The following USP54 variants were observed in gnomAD, a reference collection of about 807,000 sequenced individuals.
USP54 encodes ubiquitin specific peptidase 54.
Under a neutral mutation model 170.5 loss-of-function variants are expected in USP54, and 87 were observed. The ratio of observed to expected loss-of-function variants is 0.51; its 90% CI spans 0.43 to 0.61. The LOEUF (loss-of-function observed/expected upper bound fraction) is 0.61. Among genes scored for constraint, USP54 ranks in the 20% least tolerant of loss-of-function variants. USP54 has a pLI of 0.00. For missense variants in USP54, 1,786 were observed against 2,047.8 expected, an observed-to-expected ratio of 0.87 and a Z score of 2.47; for synonymous variants, 655 against 742.8, an observed-to-expected ratio of 0.88 and a Z score of 1.92.
chr10:73,533,123 G>A (rs563996252), intron 12 of USP54, among the ~76,000 whole-genome samples: 58 of 152,180 alleles, frequency 3.8e-4, no homozygotes, highest in Middle Eastern at 6.8e-3. Flanking sequence ...TGGCTAACAC[G>A]GTGAAACCCC....
At chr10:73,523,354 T>C (rs2062229189) in intron 17 of USP54, among the ~76,000 whole-genome samples, 1 of 152,244 alleles carries the variant, frequency 6.6e-6, no homozygotes, top group South Asian at 2.1e-4. Context: ...ATGAACGATA[T>C]ACTATCTCTA....
At chr10:73,595,069 G>C (rs959077118), upstream of USP54, among the ~76,000 whole-genome samples, 1 of 151,984 alleles carries the variant, frequency 6.6e-6, no homozygotes, top group Non-Finnish European at 1.5e-5. Flanking sequence ...GGGATTACAG[G>C]TGCACACCAC....
At chr10:73,594,166 G>A (rs954822611), upstream of USP54, among the ~76,000 whole-genome samples, 1 of 151,940 alleles carries the variant, frequency 6.6e-6, no homozygotes, top group Non-Finnish European at 1.5e-5. Context: ...CACTTCCCAG[G>A]TTCAAGTGAT....
At chr10:73,526,379 C>T (rs1357069762) in intron 16 of USP54, among the ~76,000 whole-genome samples, 1 of 152,164 alleles carries the variant, frequency 6.6e-6, no homozygotes, top group Admixed American at 6.5e-5. Context: ...TCCCGAGCAG[C>T]TGGGACTACA....
intron 1 of USP54, among the ~76,000 whole-genome samples, chr10:73,605,389 T>C (rs1282131448): frequency 6.6e-6 from 1 of 151,972 alleles, no homozygotes; most frequent in Non-Finnish European, 1.5e-5. Context: ...TAGTTGGATG[T>C]GGTGGTGTGT....
intron 20 of USP54, among the ~76,000 whole-genome samples, chr10:73,507,664 C>T (rs936154388): frequency 3.3e-5 from 4 of 120,532 alleles, no homozygotes; most frequent in South Asian, 2.6e-4. Flanking sequence ...ACAGAGACTC[C>T]GTCGCAAAAA....
intron 1 of USP54, among the ~76,000 whole-genome samples, chr10:73,606,651 G>A (rs1307451519): frequency 1.3e-5 from 2 of 152,110 alleles, no homozygotes; most frequent in African/African-American, 4.8e-5. Flanking sequence ...GGCCGAGGTG[G>A]GCAGATCACA....
chr10:73,525,132 T>A (rs542171966), intron 16 of USP54, among the ~76,000 whole-genome samples: 2 of 152,170 alleles, frequency 1.3e-5, no homozygotes, highest in Non-Finnish European at 2.9e-5. Context: ...TGCTTACCTA[T>A]ATATATATGT....
intron 10 of USP54, 73 bp from the exon 11 acceptor site, chr10:73,536,510 C>T (rs1474999999): frequency 2.2e-6 from 3 of 1,390,260 alleles, no homozygotes; most frequent in Non-Finnish European, 2.8e-6. Flanking sequence ...TCTTTCTGTT[C>T]TGTATTTCTA....
rs550408530 is a variant in USP54, at chr10:73,524,785, A to G, written c.2195-1035T>C. ...ATTTTAGGAATGAGGAAACTGAGTC[A>G]CAGGAGGATAAATAATTTGCCCAAG... On this transcript the variant is annotated intron_variant, in intron 16 of 23. Coordinates refer to ENST00000687698, the MANE Select transcript of USP54 (RefSeq NM_001391956.1). 5.3e-5 allele frequency among the ~76,000 whole-genome samples: 8 copies of G among 152,356 alleles called. No individual in the cohort carries two copies. In the East Asian group the frequency reaches 1.5e-3, roughly 29 times the overall value.
intron 12 of USP54, among the ~76,000 whole-genome samples, chr10:73,533,568 C>T (rs920422249): frequency 6.6e-6 from 1 of 150,390 alleles, no homozygotes; most frequent in Middle Eastern, 3.2e-3. Flanking sequence ...AAAAAAAAGC[C>T]CCCACAGCTT....
chr10:73,517,589 C>T lies in USP54; in HGVS notation c.2837G>A (p.Ser946Asn), dbSNP rs776780203. 7 of 1,614,052 alleles carry T rather than the reference C, an allele frequency of 4.3e-6. No homozygotes were observed. In the Admixed American group the frequency reaches 5.0e-5, roughly 12 times the overall value. The change falls in exon 20 of 24, where the codon AGC becomes AAC. Residue 946 changes from serine to asparagine, a missense_variant. Physicochemically the swap from Ser to Asn is conservative, Grantham distance 46. This residue lies in a region of USP54 where 1,418 missense variants were observed against 1,569.0 expected (regional missense o/e 0.90). Transcript: ENST00000687698. ...LSPESSAPQH[S>N]SPSRSALKLL... is the part of the protein sequence containing the mutation. ...CTTCAAGGCAGATCTACTGGGGGAG[C>T]TGTGCTGTGGGGCAGATGACTCTGG...
intron 1 of USP54, among the ~76,000 whole-genome samples, chr10:73,587,958 C>T (rs532201593): frequency 4.1e-4 from 63 of 152,118 alleles, no homozygotes; most frequent in Non-Finnish European, 6.6e-4. Context: ...AAATAATGTA[C>T]GCAGAATACT....
intron 4 of USP54, among the ~76,000 whole-genome samples, chr10:73,552,786 G>A (rs1817047586): frequency 6.6e-6 from 1 of 152,128 alleles, no homozygotes; most frequent in African/African-American, 2.4e-5. Flanking sequence ...GTGAGACTCT[G>A]TCTCAGGAAA....
intron 4 of USP54, among the ~76,000 whole-genome samples, chr10:73,556,502 C>T (rs1450970611): frequency 5.3e-5 from 8 of 151,910 alleles, no homozygotes; most frequent in Non-Finnish European, 1.0e-4. Context: ...CCTGCCACCA[C>T]GCCCGGCTAA....
rs546288321 is a variant in USP54, at chr10:73,528,562, G to A, written c.2060+1118C>T. 4.8e-4 allele frequency among the ~76,000 whole-genome samples: 73 copies of A among 150,902 alleles called. 1 individual carries two copies. The South Asian group carries it at 0.014, about 29-fold the overall frequency. On this transcript the variant is annotated intron_variant, in intron 15 of 23. Transcript: ENST00000687698. The stretch of plus-strand genomic sequence containing the variant: ...TGAGCTACTGCGGCAGGCCTAGTCC[G>A]TTTTTGTTTCTTTTTTTTTTTTTTG...
At chr10:73,551,031 G>A (rs901338669) in intron 4 of USP54, among the ~76,000 whole-genome samples, 1 of 152,180 alleles carries the variant, frequency 6.6e-6, no homozygotes, top group Non-Finnish European at 1.5e-5. Flanking sequence ...CGTGAACCCA[G>A]AAGGCAGAGC....
Position 73,517,339 on chromosome 10 carries a change from C to A in USP54, c.3087G>T (p.Lys1029Asn). Residue 1029 changes from lysine to asparagine, a missense_variant, in exon 20 of 24, where the codon AAG becomes AAT. This residue lies in a region of USP54 where 1,418 missense variants were observed against 1,569.0 expected (regional missense o/e 0.90). Transcript: ENST00000687698. Reference sequence around the variant, plus strand: ...CCGGGGAGGGGTTAGCAGGATCCTTCTTTTCTTGGAACAGCTGTTCTTGAG... The same window carrying A: ...CCGGGGAGGGGTTAGCAGGATCCTTATTTTCTTGGAACAGCTGTTCTTGAG... ...GIAQEQLFQE[K>N]KDPANPSPVM... 6.2e-7 allele frequency: 1 copy of A among 1,612,078 alleles called. No homozygotes were observed. Among genetic ancestry groups the A allele is most frequent in the East Asian group, 2.2e-5 (1 of 44,850 alleles).
chr10:73,502,890 A>G (rs1456480109), intron 22 of USP54, among the ~76,000 whole-genome samples: 1 of 152,126 alleles, frequency 6.6e-6, no homozygotes, highest in African/African-American at 2.4e-5. Context: ...AGCTTAATAT[A>G]TGTAAAACTG....
Sources: gnomAD v4.1 joint callset for allele counts (sites outside exome capture counted in the v4.1 genomes callset) on GRCh38, gnomAD v4.1.1 for gene constraint, gnomAD v4.1.1 regional missense constraint, MANE v1.5 for transcripts, NCBI Gene and HGNC (gene_info 2026-07-23, HGNC 2026-07-21) for gene names.